CELSR1: variants seen among roughly 807,000 people sequenced by gnomAD.
The protein encoded by CELSR1 is adhesion G protein-coupled receptor C1.
CELSR1 carries 110 observed loss-of-function variants against 249.1 expected under a neutral mutation model. The observed-to-expected ratio is 0.44, with a 90% CI of 0.38 to 0.52. The LOEUF is 0.52. Among genes scored for constraint, CELSR1 ranks in the 20% least tolerant of loss-of-function variants. CELSR1 has a pLI of 0.00. For missense variants in CELSR1, 4,109 were observed against 4,296.4 expected, an observed-to-expected ratio of 0.96 and a Z score of 1.22; for synonymous variants, 2,113 against 1,900.0, an observed-to-expected ratio of 1.11 and a Z score of -2.92.
At chr22:46,378,530 G>T (rs996167159) in intron 23 of CELSR1, 61 bp downstream of exon 23, 1 of 1,519,404 alleles carries the variant, frequency 6.6e-7, no homozygotes. Context: ...GCAGGTTTGG[G>T]GGGGAGGGGC....
chr22:46,509,806 T>G (rs1360111592), intron 1 of CELSR1, among the ~76,000 whole-genome samples: 1 of 151,962 alleles, frequency 6.6e-6, no homozygotes, highest in Non-Finnish European at 1.5e-5. Context: ...GGGTAGCAGG[T>G]GCGGCAGGGC....
At position 46,395,945 on chromosome 22, in the gene CELSR1, C is replaced by G. The variant is rs1468051107; in HGVS notation, c.5843+660G>C. On this transcript the variant is annotated intron_variant, in intron 13 of 34. Transcript: ENST00000674500. This position sits in a 1 kb window ranked among gnomAD's most constrained non-coding sequence, Gnocchi z 5.5. ...GGATCTCCGCACACATCAGAAATGA[C>G]TTCAAGCCCAGCGACTCGACAGAGA... Among the ~76,000 whole-genome samples, 1 of 152,208 alleles carries G rather than the reference C, an allele frequency of 6.6e-6. No individual in the cohort carries two copies. The highest frequency in any genetic ancestry group is 1.9e-4 in the East Asian group (1 of 5,194).
chr22:46,425,031 T>C (rs1320411160), intron 5 of CELSR1, among the ~76,000 whole-genome samples: 2 of 152,222 alleles, frequency 1.3e-5, no homozygotes, highest in East Asian at 1.9e-4. Flanking sequence ...TATGGTCCTT[T>C]TGGGGGTTGC....
At chr22:46,392,326 T>C (rs1468529227) in intron 14 of CELSR1, among the ~76,000 whole-genome samples, 4 of 152,140 alleles carry the variant, frequency 2.6e-5, no homozygotes, top group Non-Finnish European at 4.4e-5. Context: ...CAGGCCCAAG[T>C]AGCACCCCCT....
chr22:46,363,529 C>T lies in CELSR1; in HGVS notation c.9036-282G>A. 5.3e-6 allele frequency: 2 copies of T among 377,524 alleles called. No homozygotes were observed. Among genetic ancestry groups the T allele is most frequent in the Non-Finnish European group, 9.8e-6 (2 of 204,868 alleles). The allele number at this position is 377,524 out of a possible 1,614,324, so 23.4% of individuals were successfully genotyped here. ...TCTCTACAGTGACTTTTGGAAGGGG[C>T]ATTCTGAAGACCTGGCTTCTCCCTT... On this transcript the variant is annotated intron_variant, in intron 34 of 34. Transcript: ENST00000674500. The surrounding 1 kb of genome is among the most constrained non-coding windows in gnomAD (Gnocchi z 4.3).
intron 1 of CELSR1, among the ~76,000 whole-genome samples, chr22:46,514,051 C>T (rs2080601750): frequency 6.6e-6 from 1 of 152,164 alleles, no homozygotes; most frequent in African/African-American, 2.4e-5. Context: ...CCTCACCCTC[C>T]CAAAGTGCTG....
intron 33 of CELSR1, 107 bp downstream of exon 33, chr22:46,364,405 G>A (rs2078742847): frequency 1.3e-6 from 2 of 1,494,124 alleles, no homozygotes; most frequent in Non-Finnish European, 1.8e-6. Flanking sequence ...GTTCTGCCCA[G>A]GCCCTGACTT....
chr22:46,407,020 C>A lies in CELSR1; in HGVS notation c.5226+1976G>T, dbSNP rs2079274714. Reference sequence around the variant, plus strand: ...CGCAGGAGCGGGGAGGGGGGGTCATCCTGGGAGAACAGGGTGAGTGTTCCC... The same window carrying A: ...CGCAGGAGCGGGGAGGGGGGGTCATACTGGGAGAACAGGGTGAGTGTTCCC... On this transcript the variant is annotated intron_variant, in intron 9 of 34. Transcript: ENST00000674500. This position sits in a 1 kb window ranked among gnomAD's most constrained non-coding sequence, Gnocchi z 4.8. Among the ~76,000 whole-genome samples the A allele has an allele frequency of 6.6e-6, 1 of 152,200 alleles. No individual in the cohort carries two copies. Among genetic ancestry groups the A allele is most frequent in the Non-Finnish European group, 1.5e-5 (1 of 68,036 alleles).
In CELSR1 at chr22:46,363,149, C is replaced by T. The variant is rs1057404972; in HGVS notation, c.*74G>A. 9.9e-6 allele frequency: 16 copies of T among 1,613,654 alleles called. No homozygotes were observed. The highest frequency in any genetic ancestry group is 6.7e-5 in the East Asian group (3 of 44,886). On this transcript the variant is annotated 3_prime_UTR_variant, in exon 35 of 35. Transcript: ENST00000674500. The surrounding 1 kb of genome is among the most constrained non-coding windows in gnomAD (Gnocchi z 4.3). ...GGGCTCCAAGGTCTGAGGGTGATGC[C>T]GCAGCCTGTGTGGGGTGACGGGCTT...
In CELSR1 at chr22:46,365,609, G is replaced by T; in HGVS notation, c.8381C>A (p.Pro2794His). 6.3e-7 allele frequency: 1 copy of T among 1,594,104 alleles called. No homozygotes were observed. Among genetic ancestry groups the T allele is most frequent in the South Asian group, 1.1e-5 (1 of 87,886 alleles). ...SHGEPDASLM[P>H]RSCKDPPGHD... ...ACCAGGGGGATCCTTGCAGCTCCTG[G>T]GCATGAGGGACGCGTCTGGCTCTCC... Residue 2794 changes from proline to histidine, a missense_variant, in exon 31 of 35, where the codon CCC (proline) becomes CAC (histidine). Coordinates refer to ENST00000674500, the MANE Select transcript of CELSR1 (RefSeq NM_001378328.1).
chr22:46,408,906 G>A lies in CELSR1; in HGVS notation c.5226+90C>T. ...GCCGGAGGAAGGGCGAGTAGCAGGTGCCCGAGTGTGCACCAGGAAGCCCAG... is the reference window on the plus strand; with the variant it reads ...GCCGGAGGAAGGGCGAGTAGCAGGTACCCGAGTGTGCACCAGGAAGCCCAG... On this transcript the variant is annotated intron_variant, in intron 9 of 34. Coordinates refer to ENST00000674500, the MANE Select transcript of CELSR1 (RefSeq NM_001378328.1). This position sits in a 1 kb window ranked among gnomAD's most constrained non-coding sequence, Gnocchi z 4.6. The A allele has an allele frequency of 1.9e-6, 2 of 1,080,470 alleles. No homozygotes were observed. Among genetic ancestry groups the A allele is most frequent in the South Asian group, 3.5e-5 (2 of 56,622 alleles). The allele number at this position is 1,080,470 out of a possible 1,614,324, so 66.9% of individuals were successfully genotyped here.
intron 1 of CELSR1, among the ~76,000 whole-genome samples, chr22:46,511,882 A>G (rs9615374): frequency 0.073 from 11,105 of 152,120 alleles, 542 homozygotes; most frequent in South Asian, 0.23. Flanking sequence ...ATTAGACACA[A>G]TGACCCGCCT....
intron 27 of CELSR1, 101 bp from the exon 28 acceptor site, chr22:46,367,956 C>T (rs1002813945): frequency 2.4e-5 from 35 of 1,440,780 alleles, no homozygotes; most frequent in Non-Finnish European, 3.3e-5. Context: ...GCCCGTCCGC[C>T]CATCTATCTG....
intron 1 of CELSR1, among the ~76,000 whole-genome samples, chr22:46,522,799 C>T (rs1313820513): frequency 2.0e-5 from 3 of 152,180 alleles, no homozygotes; most frequent in Non-Finnish European, 2.9e-5. Flanking sequence ...TTCGGAGGTC[C>T]AGAGGGGGCC....
chr22:46,409,704 A>G lies in CELSR1; in HGVS notation c.5059+51T>C. On this transcript the variant is annotated intron_variant, in intron 8 of 34. Transcript: ENST00000674500. The surrounding 1 kb of genome is among the most constrained non-coding windows in gnomAD (Gnocchi z 9.8). Reference sequence around the variant, plus strand: ...GTGGTCCCGGGCACATCAAGGAGCAATGCCTCCCAGGCCGCCGTGACCGGG... The same window carrying G: ...GTGGTCCCGGGCACATCAAGGAGCAGTGCCTCCCAGGCCGCCGTGACCGGG... The G allele has an allele frequency of 6.2e-7, 1 of 1,604,636 alleles. No individual in the cohort carries two copies. Among genetic ancestry groups the G allele is most frequent in the Non-Finnish European group, 8.5e-7 (1 of 1,178,780 alleles).
Position 46,395,946 on chromosome 22 carries a change from T to C in CELSR1, c.5843+659A>G, listed in dbSNP as rs1238101656. Among the ~76,000 whole-genome samples, 1 of 152,184 alleles carries C rather than the reference T, an allele frequency of 6.6e-6. No homozygotes were observed. Among genetic ancestry groups the C allele is most frequent in the Non-Finnish European group, 1.5e-5 (1 of 68,046 alleles). The stretch of plus-strand genomic sequence containing the variant: ...GATCTCCGCACACATCAGAAATGAC[T>C]TCAAGCCCAGCGACTCGACAGAGAA... On this transcript the variant is annotated intron_variant, in intron 13 of 34. Transcript: ENST00000674500. The surrounding 1 kb of genome is among the most constrained non-coding windows in gnomAD (Gnocchi z 5.5).
intron 1 of CELSR1, among the ~76,000 whole-genome samples, chr22:46,485,282 T>C (rs1425199288): frequency 6.6e-6 from 1 of 152,142 alleles, no homozygotes; most frequent in African/African-American, 2.4e-5. Flanking sequence ...GAACAAAAAC[T>C]CTCACCTCAC....
rs1026755928 is a variant in CELSR1 at position 46,410,617 on chromosome 22, G to A, written c.4770-56C>T. Reference sequence around the variant, plus strand: ...CAGGGCGGGGAGAGGCGGCCACGGCGGGCTGGGCTCCGCAGTTGCCTCTGT... The same window carrying A: ...CAGGGCGGGGAGAGGCGGCCACGGCAGGCTGGGCTCCGCAGTTGCCTCTGT... On this transcript the variant is annotated intron_variant, in intron 6 of 34. Coordinates refer to ENST00000674500, the MANE Select transcript of CELSR1 (RefSeq NM_001378328.1). The surrounding 1 kb of genome is among the most constrained non-coding windows in gnomAD (Gnocchi z 6.8). 3.2e-5 allele frequency: 50 copies of A among 1,584,148 alleles called. No individual in the cohort carries two copies. The highest frequency in any genetic ancestry group is 1.3e-4 in the African/African-American group (10 of 74,362).
intron 1 of CELSR1, among the ~76,000 whole-genome samples, chr22:46,514,413 G>T (rs2147775405): frequency 6.6e-6 from 1 of 152,284 alleles, no homozygotes; most frequent in East Asian, 1.9e-4. Flanking sequence ...GTCCATCCAG[G>T]TGAGGGCTGG....
Sources: allele counts gnomAD v4.1 joint callset (sites outside exome capture counted in the v4.1 genomes callset), GRCh38; gene constraint gnomAD v4.1.1; non-coding constraint Gnocchi (gnomAD v3.1); transcripts MANE v1.5; gene names NCBI Gene and HGNC (gene_info 2026-07-23, HGNC 2026-07-21).